The following CWC27 variants were observed in gnomAD, a reference collection of about 807,000 sequenced individuals.
The protein encoded by CWC27 is spliceosome-associated protein CWC27 homolog.
Under a neutral mutation model 63.6 loss-of-function variants are expected in CWC27, and 47 were observed. That is an observed-to-expected ratio of 0.74 (90% CI 0.58 to 0.94). The LOEUF (loss-of-function observed/expected upper bound fraction) is 0.94, where lower values mean the gene tolerates loss of function less well. CWC27 is among the 40% of genes least tolerant of loss of function. The probability of loss-of-function intolerance (pLI) is 0.00; values close to 1 mark genes in which losing one functional copy is unlikely to be tolerated. For synonymous variants in CWC27, 175 were observed against 179.8 expected, an observed-to-expected ratio of 0.97 and a Z score of 0.22; for missense variants, 495 against 554.3, an observed-to-expected ratio of 0.89 and a Z score of 1.07.
chr5:64,985,006 A>G (rs1442533436), intron 13 of CWC27, among the ~76,000 whole-genome samples: 2 of 152,202 alleles, frequency 1.3e-5, no homozygotes, highest in Non-Finnish European at 2.9e-5. Context: ...TTTTCTTCAT[A>G]TGGATGTCCA....
chr5:64,957,485 T>C (rs796263134), intron 11 of CWC27, among the ~76,000 whole-genome samples: 6 of 152,292 alleles, frequency 3.9e-5, no homozygotes, highest in African/African-American at 1.4e-4. Context: ...TCCAGAGGTT[T>C]GCGTGAGGGA....
At chr5:64,993,861 G>A (rs536094831) in intron 13 of CWC27, among the ~76,000 whole-genome samples, 1 of 152,192 alleles carries the variant, frequency 6.6e-6, no homozygotes, top group East Asian at 1.9e-4. Context: ...CTTATACACT[G>A]GCAACCAAGA....
chr5:64,879,377 TG>T (rs1746882196), intron 10 of CWC27, among the ~76,000 whole-genome samples: 1 of 151,972 alleles, frequency 6.6e-6, no homozygotes, highest in Non-Finnish European at 1.5e-5. Flanking sequence ...TTTTATATGT[TG>T]GGTGCATTAA....
chr5:64,769,111 C>T lies in CWC27; in HGVS notation c.-36C>T. On this transcript the variant is annotated 5_prime_UTR_variant, in exon 1 of 14. Transcript: ENST00000381070. ...TTAGTGGCCGGCCGGCCGCTCTCAT[C>T]CCCCGTAAGGAGCAGAGTCCTTTGT... The T allele has an allele frequency of 6.2e-7, 1 of 1,605,326 alleles. No homozygotes were observed. Among genetic ancestry groups the T allele is most frequent in the Non-Finnish European group, 8.5e-7 (1 of 1,172,918 alleles).
intron 10 of CWC27, among the ~76,000 whole-genome samples, chr5:64,806,754 A>G (rs953454188): frequency 6.6e-6 from 1 of 152,042 alleles, no homozygotes; most frequent in Non-Finnish European, 1.5e-5. Context: ...AGGTGGGAGG[A>G]TTGCTTGAGC....
chr5:64,928,614 A>C (rs180864376), intron 11 of CWC27, among the ~76,000 whole-genome samples: 22 of 152,282 alleles, frequency 1.4e-4, no homozygotes, highest in South Asian at 1.0e-3. Flanking sequence ...TTGCAGAAAA[A>C]CCATGGGAAT....
At chr5:64,801,840 TAA>T (rs888453047) in intron 9 of CWC27, among the ~76,000 whole-genome samples, 1 of 152,162 alleles carries the variant, frequency 6.6e-6, no homozygotes, top group African/African-American at 2.4e-5. Context: ...CTTTAATACA[TAA>T]GAGTCAAGTT....
At chr5:64,938,260 G>A (rs1341584954) in intron 11 of CWC27, among the ~76,000 whole-genome samples, 1 of 152,110 alleles carries the variant, frequency 6.6e-6, no homozygotes, top group Non-Finnish European at 1.5e-5. Context: ...TCCTTTCCAT[G>A]TTTAGTGCTT....
chr5:64,854,834 G>A (rs1746214668), intron 10 of CWC27, among the ~76,000 whole-genome samples: 1 of 152,080 alleles, frequency 6.6e-6, no homozygotes, highest in South Asian at 2.1e-4. Context: ...TTCTCTCCTT[G>A]ATTCTAGGAA....
At chr5:64,903,186 A>G (rs1213544035) in intron 11 of CWC27, among the ~76,000 whole-genome samples, 1 of 152,164 alleles carries the variant, frequency 6.6e-6, no homozygotes, top group African/African-American at 2.4e-5. Flanking sequence ...TATATACCCA[A>G]AGGATTATAA....
At chr5:64,791,555 C>T (rs1248447300) in intron 7 of CWC27, among the ~76,000 whole-genome samples, 2 of 151,928 alleles carry the variant, frequency 1.3e-5, no homozygotes, top group Non-Finnish European at 2.9e-5. Flanking sequence ...ACCCAAATAC[C>T]GTTCATTATC....
Position 64,934,852 on chromosome 5 carries a change from A to G in CWC27, c.1043-36851A>G, listed in dbSNP as rs561741547. On this transcript the variant is annotated intron_variant, in intron 11 of 13. Coordinates refer to ENST00000381070, the MANE Select transcript of CWC27 (RefSeq NM_005869.4). The stretch of plus-strand genomic sequence containing the variant: ...TTTGATTTGCATTTCTCTAATGACC[A>G]GTGATGATGAGCTTTTTTTCATATG... Among the ~76,000 whole-genome samples, 3 of 152,338 alleles carry G rather than the reference A, an allele frequency of 2.0e-5. No individual in the cohort carries two copies. In the South Asian group the frequency reaches 6.2e-4, roughly 32 times the overall value.
At chr5:64,966,155 C>T (rs1022346237) in intron 11 of CWC27, among the ~76,000 whole-genome samples, 20 of 151,868 alleles carry the variant, frequency 1.3e-4, no homozygotes, top group Non-Finnish European at 2.1e-4. Context: ...TCCTTATAAC[C>T]ACTTTTAGAA....
At chr5:64,996,039 G>A (rs1749625535) in intron 13 of CWC27, among the ~76,000 whole-genome samples, 1 of 152,074 alleles carries the variant, frequency 6.6e-6, no homozygotes, top group Admixed American at 6.6e-5. Context: ...AATAGCATGA[G>A]GAATAAAAAG....
At chr5:64,880,661 GT>G (rs997931036) in intron 10 of CWC27, among the ~76,000 whole-genome samples, 5 of 149,960 alleles carry the variant, frequency 3.3e-5, no homozygotes, top group Admixed American at 6.7e-5. Flanking sequence ...ATTTTATTGG[GT>G]TTTTTTTTAA....
chr5:64,923,526 G>GCAT (rs1748041081), intron 11 of CWC27, among the ~76,000 whole-genome samples: 1 of 149,322 alleles, frequency 6.7e-6, no homozygotes, highest in Non-Finnish European at 1.5e-5. Context: ...CTCTCTCGGT[G>GCAT]CATCTGTCAG....
At chr5:64,995,655 G>T (rs956616618) in intron 13 of CWC27, among the ~76,000 whole-genome samples, 1 of 151,948 alleles carries the variant, frequency 6.6e-6, no homozygotes. Context: ...TCAGAGTAAG[G>T]CCTTATGTAT....
intron 7 of CWC27, among the ~76,000 whole-genome samples, chr5:64,791,050 G>A (rs1316978695): frequency 1.3e-5 from 2 of 152,092 alleles, no homozygotes; most frequent in African/African-American, 2.4e-5. Flanking sequence ...TTCACTGGTA[G>A]CGTAGCATTC....
intron 13 of CWC27, among the ~76,000 whole-genome samples, chr5:64,982,672 C>G (rs1354693211): frequency 6.6e-6 from 1 of 152,092 alleles, no homozygotes; most frequent in Non-Finnish European, 1.5e-5. Context: ...AAATACAGCT[C>G]TAAGGGTGGA....
Sources: gnomAD v4.1 joint callset for allele counts (sites outside exome capture counted in the v4.1 genomes callset) on GRCh38, gnomAD v4.1.1 for gene constraint, MANE v1.5 for transcripts, NCBI Gene and HGNC (gene_info 2026-07-23, HGNC 2026-07-21) for gene names.